The following RGS3 variants were observed in gnomAD, a reference collection of about 807,000 sequenced individuals.
RGS3 encodes the protein regulator of G protein signaling 3, also known as regulator of G-protein signalling 3.
A neutral mutation model predicts 132.6 loss-of-function variants in RGS3; 80 were observed. The ratio of observed to expected loss-of-function variants is 0.60; its 90% CI spans 0.50 to 0.73. RGS3 has a LOEUF of 0.73. RGS3 is among the 30% of genes least tolerant of loss of function. The pLI, the probability that RGS3 is intolerant of heterozygous loss-of-function variation, is 0.00. For synonymous variants in RGS3, 598 were observed against 620.6 expected, an observed-to-expected ratio of 0.96 and a Z score of 0.54; for missense variants, 1,382 against 1,530.8, an observed-to-expected ratio of 0.90 and a Z score of 1.62.
At chr9:113,480,903 C>CCTGTCTATCTCTCCAGCCTCCCTGG (rs1266131346) in intron 4 of RGS3, among the ~76,000 whole-genome samples, 4 of 152,190 alleles carry the variant, frequency 2.6e-5, no homozygotes, top group African/African-American at 9.7e-5. Flanking sequence ...CCCAGAAGGC[C>CCTGTCTATCTCTCCAGCCTCCCTGG]CTGTCTATCT....
Position 113,507,276 on chromosome 9 carries a change from C to T in RGS3, c.1086-11C>T. The T allele has an allele frequency of 6.3e-7, 1 of 1,594,458 alleles. No homozygotes were observed. Among genetic ancestry groups the T allele is most frequent in the Non-Finnish European group, 8.6e-7 (1 of 1,169,026 alleles). The stretch of plus-strand genomic sequence containing the variant: ...AGGCTCAACCTGTCTGTGTGATCCC[C>T]CACCTTCCAGGAGCTGCCCCAGTGA... On this transcript the variant is annotated splice_polypyrimidine_tract_variant and intron_variant, in intron 12 of 24. Coordinates refer to ENST00000350696, the Ensembl canonical transcript of RGS3. This position sits in a 1 kb window ranked among gnomAD's most constrained non-coding sequence, Gnocchi z 5.0.
intron 19 of RGS3, among the ~76,000 whole-genome samples, chr9:113,558,134 A>G (rs560498548): frequency 6.6e-6 from 1 of 152,170 alleles, no homozygotes; most frequent in Non-Finnish European, 1.5e-5. Flanking sequence ...GATCCACAGG[A>G]TGTATAGCAG....
At chr9:113,517,355 C>T (rs1479355581) in intron 15 of RGS3, 186 bp from the exon 14 acceptor site, 9 of 691,822 alleles carry the variant, frequency 1.3e-5, no homozygotes, top group South Asian at 3.0e-5. Flanking sequence ...AGGACAGCAG[C>T]GTCTCTCTTT....
At chr9:113,505,635 C>A in intron 11 of RGS3, 112 bp downstream of exon 9, 1 of 785,914 alleles carries the variant, frequency 1.3e-6, no homozygotes, top group Non-Finnish European at 2.2e-6. Flanking sequence ...AGTGTCCTGG[C>A]TTTTCAAAAT....
At chr9:113,496,223 G>A (rs545821485) in intron 8 of RGS3, among the ~76,000 whole-genome samples, 1 of 152,290 alleles carries the variant, frequency 6.6e-6, no homozygotes, top group South Asian at 2.1e-4. Flanking sequence ...CTCTTCATGT[G>A]TCTACCAGGC....
In RGS3 at chr9:113,508,037, A is replaced by G. The variant is rs117672632; in HGVS notation, c.1437+399A>G. Among the ~76,000 whole-genome samples, 207 of 152,306 alleles carry G rather than the reference A, an allele frequency of 1.4e-3. 1 individual carries two copies. Among genetic ancestry groups the G allele is most frequent in the Middle Eastern group, 6.8e-3 (2 of 294 alleles). The stretch of plus-strand genomic sequence containing the variant: ...GTGCGCTCCCCAAAACATTAGTCCC[A>G]TGAGATGCTCTGGGAAAAAGGTGTT... On this transcript the variant is annotated intron_variant, in intron 13 of 24. Coordinates refer to ENST00000350696, the Ensembl canonical transcript of RGS3.
intron 4 of RGS3, among the ~76,000 whole-genome samples, chr9:113,482,459 C>T (rs985297366): frequency 1.1e-4 from 16 of 152,188 alleles, no homozygotes; most frequent in South Asian, 8.3e-4. Flanking sequence ...TGCCTGGGTC[C>T]GTCCACCCCT....
At chr9:113,568,652 C>A (rs884899) in intron 19 of RGS3, among the ~76,000 whole-genome samples, 1 of 152,232 alleles carries the variant, frequency 6.6e-6, no homozygotes, top group East Asian at 1.9e-4. Flanking sequence ...CAGCCCAAGC[C>A]GAAGCTGGGA....
chr9:113,594,469 G>T, exon 22 of RGS3: 1 of 1,613,752 alleles, frequency 6.2e-7, no homozygotes, highest in Non-Finnish European at 8.5e-7. Flanking sequence ...TCTTCAGACG[G>T]CGGAATGAGT....
chr9:113,483,347 C>A (rs1159664810), intron 5 of RGS3, among the ~76,000 whole-genome samples: 1 of 152,190 alleles, frequency 6.6e-6, no homozygotes, highest in Non-Finnish European at 1.5e-5. Flanking sequence ...TAAGGGCGAT[C>A]TTGGTCATCT....
intron 10 of RGS3, chr9:113,505,102 A>T: frequency 3.5e-6 from 1 of 285,714 alleles, no homozygotes; most frequent in Non-Finnish European, 6.7e-6. Context: ...GGTGAGGCTG[A>T]GTCATGCAGT....
At chr9:113,497,209 C>A in intron 8 of RGS3, 105 bp from the exon 7 acceptor site, 1 of 824,522 alleles carries the variant, frequency 1.2e-6, no homozygotes, top group Non-Finnish European at 2.0e-6. Flanking sequence ...TCTGTCTCTC[C>A]TGTGGGTGGG....
intron 14 of RGS3, among the ~76,000 whole-genome samples, chr9:113,510,696 G>C (rs1026492140): frequency 3.9e-5 from 6 of 152,154 alleles, no homozygotes; most frequent in African/African-American, 1.4e-4. Context: ...TAGTAAGTCA[G>C]CAAGAGCACA....
rs1833950684 is a variant in RGS3 at position 113,565,385 on chromosome 9, A to G, written c.2038-18065A>G. The G allele has an allele frequency of 7.8e-7, 1 of 1,288,418 alleles. No individual in the cohort carries two copies. 79.8% of individuals were successfully genotyped at this position (1,288,418 alleles called of 1,614,324 possible). A position where few individuals can be genotyped will look rare whatever the true frequency, so the allele number is the denominator to read the frequency against. On this transcript the variant is annotated intron_variant, in intron 19 of 24. Coordinates refer to ENST00000350696, the Ensembl canonical transcript of RGS3. This position sits in a 1 kb window ranked among gnomAD's most constrained non-coding sequence, Gnocchi z 5.7. ...GGTGTGTGTTTGGGAAAGGCGCTGG[A>G]GGAGGAGGAAGAGGAGGAGGACAAG... is the stretch of plus-strand genomic sequence containing the variant.
chr9:113,519,378 C>T (rs975702294), intron 16 of RGS3, among the ~76,000 whole-genome samples: 3 of 152,116 alleles, frequency 2.0e-5, no homozygotes, highest in Non-Finnish European at 4.4e-5. Context: ...CAAGAGACCC[C>T]TCTCCCTTAG....
chr9:113,522,956 G>A, exon 17 of RGS3: 2 of 1,613,960 alleles, frequency 1.2e-6, no homozygotes, highest in African/African-American at 2.7e-5. Flanking sequence ...ATTCGGACCT[G>A]CTGCTCTTCA....
chr9:113,501,456 T>C, intron 10 of RGS3: 1 of 1,494,914 alleles, frequency 6.7e-7, no homozygotes, highest in African/African-American at 1.4e-5. Context: ...TTTCCTGCCA[T>C]TCTTCTGTGG....
intron 9 of RGS3, 62 bp downstream of exon 7, chr9:113,497,466 T>C: frequency 7.3e-7 from 1 of 1,372,260 alleles, no homozygotes; most frequent in Non-Finnish European, 1.0e-6. Flanking sequence ...CTTTCCTGCA[T>C]AGCGGCATCA....
At chr9:113,494,065 GTT>G (rs1440237258) in intron 7 of RGS3, among the ~76,000 whole-genome samples, 1 of 152,002 alleles carries the variant, frequency 6.6e-6, no homozygotes, top group Non-Finnish European at 1.5e-5. Context: ...TTGATTAATA[GTT>G]ATTAAACCAA....
Sources: allele counts gnomAD v4.1 joint callset (sites outside exome capture counted in the v4.1 genomes callset), GRCh38; gene constraint gnomAD v4.1.1; non-coding constraint Gnocchi (gnomAD v3.1); transcripts MANE v1.5; gene names NCBI Gene and HGNC (gene_info 2026-07-23, HGNC 2026-07-21).